Variants in XRCC4 observed in about 807,000 individuals in gnomAD.
XRCC4 encodes the protein X-ray repair cross complementing 4.
A neutral mutation model predicts 39.1 loss-of-function variants in XRCC4; 28 were observed. That is an observed-to-expected ratio of 0.72 (90% CI 0.53 to 0.98). The LOEUF (loss-of-function observed/expected upper bound fraction) is 0.98, where lower values mean the gene tolerates loss of function less well. Ranked by LOEUF, XRCC4 falls within the 50% of genes least tolerant of loss-of-function variation. XRCC4 has a pLI of 0.00. For synonymous variants in XRCC4, 123 were observed against 126.4 expected (o/e 0.97, Z 0.18); for missense variants, 350 against 376.4 (o/e 0.93, Z 0.58).
chr5:83,243,393 CCT>C (rs767836252), intron 6 of XRCC4, among the ~76,000 whole-genome samples: 9 of 152,162 alleles, frequency 5.9e-5, no homozygotes, highest in Non-Finnish European at 4.4e-5. Context: ...TCTCCTGAGA[CCT>C]CTCTCCTTGA....
chr5:83,179,176 C>T (rs983236058), intron 3 of XRCC4, among the ~76,000 whole-genome samples: 5 of 152,152 alleles, frequency 3.3e-5, no homozygotes, highest in African/African-American at 1.2e-4. Flanking sequence ...TTAGTGTTTT[C>T]ACATTATCTG....
chr5:83,307,241 G>A (rs1473764403), intron 7 of XRCC4, among the ~76,000 whole-genome samples: 1 of 152,194 alleles, frequency 6.6e-6, no homozygotes, highest in African/African-American at 2.4e-5. Flanking sequence ...GTTCTAGACA[G>A]TGATCATACA....
intron 6 of XRCC4, among the ~76,000 whole-genome samples, chr5:83,221,009 A>G (rs1461856639): frequency 1.3e-5 from 2 of 151,964 alleles, no homozygotes; most frequent in African/African-American, 4.8e-5. Context: ...AACCCTCCTT[A>G]TTGTCTTAGA....
At chr5:83,239,916 G>A (rs1160361514) in intron 6 of XRCC4, among the ~76,000 whole-genome samples, 1 of 152,032 alleles carries the variant, frequency 6.6e-6, no homozygotes, top group Non-Finnish European at 1.5e-5. Context: ...CCAGCACTTT[G>A]GGAGGCTGAG....
intron 6 of XRCC4, among the ~76,000 whole-genome samples, chr5:83,239,646 G>A (rs917589046): frequency 5.3e-5 from 8 of 150,396 alleles, no homozygotes; most frequent in African/African-American, 1.2e-4. Flanking sequence ...TGGCTAACAC[G>A]GTGAAACCCC....
chr5:83,280,261 T>G, intron 7 of XRCC4: 1 of 349,870 alleles, frequency 2.9e-6, no homozygotes, highest in Non-Finnish European at 5.6e-6. Flanking sequence ...TAATTGTGTT[T>G]TACAATATCC....
intron 7 of XRCC4, among the ~76,000 whole-genome samples, chr5:83,320,807 CTTTTTTT>C (rs869118508): frequency 1.7e-5 from 2 of 116,982 alleles, no homozygotes; most frequent in South Asian, 2.9e-4. Flanking sequence ...TTATGTACTT[CTTTTTTT>C]TTTTTTTTTT....
At chr5:83,163,119 G>C (rs528942930) in intron 3 of XRCC4, among the ~76,000 whole-genome samples, 1 of 151,692 alleles carries the variant, frequency 6.6e-6, no homozygotes, top group Non-Finnish European at 1.5e-5. Flanking sequence ...GCTAATTTTT[G>C]TATTTTTAGT....
At chr5:83,161,617 T>C (rs1405693196) in intron 3 of XRCC4, among the ~76,000 whole-genome samples, 1 of 152,192 alleles carries the variant, frequency 6.6e-6, no homozygotes, top group African/African-American at 2.4e-5. Flanking sequence ...CATTTGGCCA[T>C]TTGTTTGTAG....
intron 3 of XRCC4, among the ~76,000 whole-genome samples, chr5:83,128,146 C>A (rs1247921465): frequency 6.6e-6 from 1 of 152,036 alleles, no homozygotes; most frequent in Admixed American, 6.6e-5. Flanking sequence ...ACGACAGGCC[C>A]CAGTGTGTGA....
At chr5:83,188,612 T>A (rs1750557736) in intron 3 of XRCC4, among the ~76,000 whole-genome samples, 1 of 152,054 alleles carries the variant, frequency 6.6e-6, no homozygotes, top group Non-Finnish European at 1.5e-5. Context: ...CTCAGGAAGC[T>A]TCCAATCACG....
chr5:83,138,478 T>A (rs1369072830), intron 3 of XRCC4, among the ~76,000 whole-genome samples: 1 of 152,142 alleles, frequency 6.6e-6, no homozygotes, highest in Non-Finnish European at 1.5e-5. Context: ...TTTCAATTTC[T>A]GTATTGAATT....
intron 6 of XRCC4, among the ~76,000 whole-genome samples, chr5:83,242,162 T>TTGTGTGTGTGTGTGTGTG (rs60919474): frequency 6.9e-6 from 1 of 145,260 alleles, no homozygotes; most frequent in African/African-American, 2.5e-5. Context: ...CGTATACACA[T>TTGTGTGTGTGTGTGTGTG]TGTGTGTGTG....
chr5:83,345,678 C>A lies in XRCC4; in HGVS notation c.894-7453C>A, dbSNP rs575266791. ...GTCACTCTAAACAATACTAATGCTT[C>A]TCGTTTGAATAGGAAGCGATTGCTA... is the stretch of plus-strand genomic sequence containing the variant. On this transcript the variant is annotated intron_variant, in intron 7 of 7. Transcript: ENST00000396027. 2.6e-5 allele frequency among the ~76,000 whole-genome samples: 4 copies of A among 152,188 alleles called. No individual in the cohort carries two copies. In the South Asian group the frequency reaches 8.3e-4, roughly 32 times the overall value.
intron 6 of XRCC4, among the ~76,000 whole-genome samples, chr5:83,254,760 C>T (rs1451958373): frequency 6.6e-6 from 1 of 152,008 alleles, no homozygotes; most frequent in East Asian, 1.9e-4. Context: ...AACATTATCA[C>T]AATTGGAGGA....
chr5:83,167,530 T>C (rs1349756867), intron 3 of XRCC4, among the ~76,000 whole-genome samples: 1 of 152,190 alleles, frequency 6.6e-6, no homozygotes, highest in Non-Finnish European at 1.5e-5. Flanking sequence ...TATGCTGCAC[T>C]GGCCAGGGGG....
intron 7 of XRCC4, among the ~76,000 whole-genome samples, chr5:83,264,770 A>G (rs73769426): frequency 0.023 from 3,527 of 152,206 alleles, 127 homozygotes; most frequent in African/African-American, 0.081. Flanking sequence ...ATGGTGTAAT[A>G]TGGGAGGAAA....
chr5:83,264,010 C>T (rs1255615781), intron 7 of XRCC4, among the ~76,000 whole-genome samples: 2 of 152,126 alleles, frequency 1.3e-5, no homozygotes, highest in Non-Finnish European at 2.9e-5. Flanking sequence ...CTTGTGGCTA[C>T]AAGGTGCAGA....
At chr5:83,320,360 A>G (rs1756018123) in intron 7 of XRCC4, among the ~76,000 whole-genome samples, 1 of 149,500 alleles carries the variant, frequency 6.7e-6, no homozygotes, top group Admixed American at 6.7e-5. Flanking sequence ...AGTATAATAA[A>G]AAATAAAAAA....
Sources: allele counts gnomAD v4.1 joint callset (sites outside exome capture counted in the v4.1 genomes callset), GRCh38; gene constraint gnomAD v4.1.1; transcripts MANE v1.5; gene names NCBI Gene and HGNC (gene_info 2026-07-23, HGNC 2026-07-21).